The following CD58 variants were observed in gnomAD, a reference collection of about 807,000 sequenced individuals.
CD58 encodes CD58 molecule.
A neutral mutation model predicts 27.6 loss-of-function variants in CD58; 14 were observed. That is an observed-to-expected ratio of 0.51 (90% confidence interval 0.34 to 0.79). CD58 has a LOEUF of 0.79. Among genes scored for constraint, CD58 ranks in the 30% least tolerant of loss-of-function variants. The pLI, the probability that CD58 is intolerant of heterozygous loss-of-function variation, is 0.02. For synonymous variants in CD58, 117 were observed against 103.8 expected (o/e 1.13, Z -0.77); for missense variants, 268 against 301.7 (o/e 0.89, Z 0.83).
Position 116,521,698 on chromosome 1 carries a change from G to A in CD58, c.706+208C>T, listed in dbSNP as rs1657266510. On this transcript the variant is annotated intron_variant, in intron 4 of 5. Transcript: ENST00000369489. The surrounding 1 kb of genome is among the most constrained non-coding windows in gnomAD (Gnocchi z 5.6). The stretch of plus-strand genomic sequence containing the variant: ...TTCCCAGGCCTGTAAAGCTCTCTGT[G>A]GCCTAAGGATTCATTCTACCTTGAG... 2.1e-6 allele frequency: 1 copy of A among 481,940 alleles called. No homozygotes were observed. Among genetic ancestry groups the A allele is most frequent in the African/African-American group, 2.0e-5 (1 of 50,248 alleles). 29.9% of individuals were successfully genotyped at this position (481,940 alleles called of 1,614,324 possible).
rs557987792 is a variant in CD58, at chr1:116,535,803, T to C, written c.628+162A>G. On this transcript the variant is annotated intron_variant, in intron 3 of 5. Coordinates refer to ENST00000369489, the MANE Select transcript of CD58 (RefSeq NM_001779.3). ...TTGCAGTGAGCCGAGATCGCGCCACTGCACTCCAGCCTGGGCGACAGAGCG... is the reference window on the plus strand; with the variant it reads ...TTGCAGTGAGCCGAGATCGCGCCACCGCACTCCAGCCTGGGCGACAGAGCG... Among the ~76,000 whole-genome samples the C allele has an allele frequency of 5.5e-3, 457 of 83,448 alleles. 32 individuals carry two copies. Among genetic ancestry groups the C allele is most frequent in the Non-Finnish European group, 6.6e-3 (341 of 51,562 alleles). The allele number at this position is 83,448 out of a possible 152,430, so 54.7% of individuals were successfully genotyped here.
At position 116,535,766 on chromosome 1, in the gene CD58, A is replaced by G. The variant is rs1037496788; in HGVS notation, c.628+199T>C. Among the ~76,000 whole-genome samples, 7 of 123,818 alleles carry G rather than the reference A, an allele frequency of 5.7e-5. 3 individuals are homozygous for G. In the East Asian group the frequency reaches 2.3e-3, roughly 40 times the overall value. The allele number at this position is 123,818 out of a possible 152,430, so 81.2% of individuals were successfully genotyped here. A position where few individuals can be genotyped will look rare whatever the true frequency, so the allele number is the denominator to read the frequency against. On this transcript the variant is annotated intron_variant, in intron 3 of 5. Coordinates refer to ENST00000369489, the MANE Select transcript of CD58 (RefSeq NM_001779.3). ...TGAGGCAGGAGAATGGCGTGAACCCAGGAGGCGGAGCTTGCAGTGAGCCGA... is the reference window on the plus strand; with the variant it reads ...TGAGGCAGGAGAATGGCGTGAACCCGGGAGGCGGAGCTTGCAGTGAGCCGA...
intron 1 of CD58, among the ~76,000 whole-genome samples, chr1:116,555,043 GA>G (rs1323554367): frequency 6.6e-6 from 1 of 152,100 alleles, no homozygotes; most frequent in Non-Finnish European, 1.5e-5. Flanking sequence ...ATGAATGAAT[GA>G]ATGAATGAAT....
chr1:116,558,144 T>C (rs1658641246), intron 1 of CD58, among the ~76,000 whole-genome samples: 1 of 143,094 alleles, frequency 7.0e-6, no homozygotes, highest in Non-Finnish European at 1.5e-5. Flanking sequence ...AAGTAAAAGT[T>C]CATTTGACCA....
intron 1 of CD58, among the ~76,000 whole-genome samples, 165 bp from the exon 2 acceptor site, chr1:116,544,769 C>A (rs1658108920): frequency 6.6e-6 from 1 of 152,200 alleles, no homozygotes; most frequent in Non-Finnish European, 1.5e-5. Context: ...AAAACTGGGA[C>A]CTGCATAAAT....
In CD58 at chr1:116,550,237, A is replaced by G. The variant is rs1468134057; in HGVS notation, c.71-5633T>C. On this transcript the variant is annotated intron_variant, in intron 1 of 5. Transcript: ENST00000369489. The surrounding 1 kb of genome is among the most constrained non-coding windows in gnomAD (Gnocchi z 4.2). ...CTTCCTTTCACAAAATATTTCTCAG[A>G]GGCATCCAATGCTGTTTGATAGAAT... Among the ~76,000 whole-genome samples the G allele has an allele frequency of 2.0e-5, 3 of 152,234 alleles. No individual in the cohort carries two copies. Among genetic ancestry groups the G allele is most frequent in the Non-Finnish European group, 4.4e-5 (3 of 68,036 alleles).
chr1:116,568,911 C>T (rs1391635534), intron 1 of CD58, among the ~76,000 whole-genome samples: 1 of 152,252 alleles, frequency 6.6e-6, no homozygotes, highest in Non-Finnish European at 1.5e-5. Flanking sequence ...ATGAGGCAGG[C>T]TTGGGTCCCC....
intron 3 of CD58, among the ~76,000 whole-genome samples, chr1:116,530,209 CTTTT>C (rs113109056): frequency 7.0e-6 from 1 of 143,454 alleles, no homozygotes; most frequent in African/African-American, 2.5e-5. Context: ...TCTCCTCATT[CTTTT>C]TTTTTTTTTT....
At position 116,515,599 on chromosome 1, in the gene CD58, C is replaced by A. The variant is rs987349772; in HGVS notation, c.744-777G>T. 7.9e-5 allele frequency among the ~76,000 whole-genome samples: 12 copies of A among 152,226 alleles called. No individual in the cohort carries two copies. The highest frequency in any genetic ancestry group is 6.8e-3 in the Middle Eastern group (2 of 294). On this transcript the variant is annotated intron_variant, in intron 5 of 5. Coordinates refer to ENST00000369489, the MANE Select transcript of CD58 (RefSeq NM_001779.3). This position sits in a 1 kb window ranked among gnomAD's most constrained non-coding sequence, Gnocchi z 4.6. ...GGCAGGCACAGGATTCTTGTTGGGG[C>A]AGCTTTTTGCCGGTCTCTGCTTCCC...
At chr1:116,547,182 A>G (rs1250994662) in intron 1 of CD58, among the ~76,000 whole-genome samples, 3 of 151,666 alleles carry the variant, frequency 2.0e-5, no homozygotes, top group Non-Finnish European at 4.4e-5. Flanking sequence ...CAAGTCCCCA[A>G]AGTTCACTGT....
At chr1:116,533,214 A>G (rs1259376221) in intron 3 of CD58, 1 of 776,928 alleles carries the variant, frequency 1.3e-6, no homozygotes, top group Non-Finnish European at 2.3e-6. Flanking sequence ...TGGATTGAAG[A>G]AGTTGAAAAA....
At chr1:116,530,665 T>A (rs981314559) in intron 3 of CD58, among the ~76,000 whole-genome samples, 31 of 152,212 alleles carry the variant, frequency 2.0e-4, no homozygotes, top group Non-Finnish European at 1.5e-5. Flanking sequence ...TTGGAAAGTT[T>A]AGATGAGAAA....
chr1:116,533,869 A>T (rs1571067388), intron 3 of CD58: 2 of 1,008,346 alleles, frequency 2.0e-6, no homozygotes, highest in East Asian at 4.9e-5. Context: ...AGCGCATCTC[A>T]CCTGAATTTG....
At chr1:116,561,892 A>G (rs1172217522) in intron 1 of CD58, among the ~76,000 whole-genome samples, 2 of 152,244 alleles carry the variant, frequency 1.3e-5, no homozygotes, top group Non-Finnish European at 2.9e-5. Flanking sequence ...AATCTGAAGC[A>G]TAGCTCCTGG....
At chr1:116,526,620 A>G (rs1422309597) in intron 3 of CD58, among the ~76,000 whole-genome samples, 1 of 152,222 alleles carries the variant, frequency 6.6e-6, no homozygotes, top group Non-Finnish European at 1.5e-5. Flanking sequence ...GAAGTTGAGT[A>G]GTATCAGTCC....
intron 5 of CD58, chr1:116,518,870 C>G (rs978707221): frequency 9.0e-7 from 1 of 1,117,122 alleles, no homozygotes; most frequent in African/African-American, 1.6e-5. Flanking sequence ...AACAGTATAA[C>G]TCTTGGAGTC....
At chr1:116,569,935 G>A (rs947037924) in intron 1 of CD58, among the ~76,000 whole-genome samples, 1 of 152,152 alleles carries the variant, frequency 6.6e-6, no homozygotes, top group Non-Finnish European at 1.5e-5. Flanking sequence ...ATCTGATCGT[G>A]CGGGTACTTT....
chr1:116,518,966 G>A (rs1361325907), intron 5 of CD58: 9 of 991,236 alleles, frequency 9.1e-6, no homozygotes, highest in East Asian at 3.0e-5. Context: ...TCTCATATGC[G>A]CTGTCTCTAA....
intron 4 of CD58, among the ~76,000 whole-genome samples, chr1:116,520,785 C>T (rs780689556): frequency 2.0e-5 from 3 of 152,126 alleles, no homozygotes; most frequent in Admixed American, 6.5e-5. Context: ...TTCAGCTGAT[C>T]GTTATAATAC....
Sources: gnomAD v4.1 joint callset for allele counts (sites outside exome capture counted in the v4.1 genomes callset) on GRCh38, gnomAD v4.1.1 for gene constraint, Gnocchi (gnomAD v3.1) non-coding constraint, MANE v1.5 for transcripts, NCBI Gene and HGNC (gene_info 2026-07-23, HGNC 2026-07-21) for gene names.